The following TNIK variants were observed in gnomAD, a reference collection of about 807,000 sequenced individuals.
TNIK encodes TRAF2 and NCK-interacting protein kinase.
In TNIK, 49 loss-of-function variants were observed where a neutral mutation model predicts 191.3. The observed-to-expected ratio is 0.26, with a 90% CI of 0.20 to 0.32. The LOEUF (loss-of-function observed/expected upper bound fraction) is 0.32, where lower values mean the gene tolerates loss of function less well. Among genes scored for constraint, TNIK ranks in the 10% least tolerant of loss-of-function variants. The pLI, the probability that TNIK is intolerant of heterozygous loss-of-function variation, is 1.00. For missense variants in TNIK, 1,155 were observed against 1,702.3 expected, an observed-to-expected ratio of 0.68 and a Z score of 5.66; for synonymous variants, 594 against 600.9, an observed-to-expected ratio of 0.99 and a Z score of 0.17.
At chr3:171,303,967 A>G (rs2172394) in intron 2 of TNIK, among the ~76,000 whole-genome samples, 12,652 of 151,644 alleles carry the variant, frequency 0.083, 667 homozygotes, top group South Asian at 0.16. Flanking sequence ...GCTGAAGAAC[A>G]AGACAGCCAA....
chr3:171,345,318 A>G (rs947363252), intron 2 of TNIK, among the ~76,000 whole-genome samples: 2 of 152,162 alleles, frequency 1.3e-5, no homozygotes, highest in Non-Finnish European at 2.9e-5. Flanking sequence ...GCTTGTGACC[A>G]CCAGTCTCTT....
intron 7 of TNIK, among the ~76,000 whole-genome samples, chr3:171,182,166 G>A (rs939078183): frequency 1.3e-5 from 1 of 78,568 alleles, no homozygotes; most frequent in African/African-American, 5.0e-5. Flanking sequence ...TCATTGTTAG[G>A]ATTTTTTTTT....
intron 3 of TNIK, among the ~76,000 whole-genome samples, chr3:171,213,466 G>A (rs2108922421): frequency 6.6e-6 from 1 of 152,106 alleles, no homozygotes; most frequent in East Asian, 1.9e-4. Flanking sequence ...GCTTCTACAA[G>A]TATTTACCGC....
chr3:171,075,981 G>A (rs576402195), intron 28 of TNIK, among the ~76,000 whole-genome samples: 2 of 152,170 alleles, frequency 1.3e-5, no homozygotes, highest in Non-Finnish European at 2.9e-5. Flanking sequence ...CACGATCCAC[G>A]TGCTTTGGCC....
chr3:171,346,712 GAGA>G (rs1432902470), intron 2 of TNIK, among the ~76,000 whole-genome samples: 1 of 79,430 alleles, frequency 1.3e-5, no homozygotes, highest in East Asian at 5.3e-4. Context: ...TTAATAACAG[GAGA>G]AGAACATTCC....
chr3:171,423,422 G>C (rs1210760575), intron 1 of TNIK, among the ~76,000 whole-genome samples: 5 of 152,086 alleles, frequency 3.3e-5, no homozygotes, highest in South Asian at 2.1e-4. Flanking sequence ...GTAATTTATA[G>C]ATTCAATGCC....
At chr3:171,315,516 C>T (rs1754508500) in intron 2 of TNIK, among the ~76,000 whole-genome samples, 1 of 152,114 alleles carries the variant, frequency 6.6e-6, no homozygotes, top group African/African-American at 2.4e-5. Context: ...TTGCCCGGAG[C>T]TGCCATAATA....
chr3:171,063,987 T>G (rs1157491430), intron 32 of TNIK, 23 bp from the exon 33 acceptor site: 3 of 1,607,852 alleles, frequency 1.9e-6, no homozygotes, highest in South Asian at 1.1e-5. Context: ...AAAAAGAAGT[T>G]AGTTCAACTG....
At chr3:171,298,856 A>G (rs1752595551) in intron 2 of TNIK, among the ~76,000 whole-genome samples, 1 of 152,246 alleles carries the variant, frequency 6.6e-6, no homozygotes, top group Admixed American at 6.5e-5. Flanking sequence ...AACCAGCTTC[A>G]CAAAACTCTG....
chr3:171,107,665 A>G (rs1005267274), intron 20 of TNIK, among the ~76,000 whole-genome samples: 1 of 152,216 alleles, frequency 6.6e-6, no homozygotes, highest in Non-Finnish European at 1.5e-5. Context: ...AATAGCAGAA[A>G]AACTGTAATA....
intron 2 of TNIK, among the ~76,000 whole-genome samples, chr3:171,236,190 C>T (rs1290556927): frequency 6.6e-6 from 1 of 152,154 alleles, no homozygotes; most frequent in Admixed American, 6.6e-5. Context: ...GCCTAGTGAA[C>T]CTTGTAAATT....
At chr3:171,345,282 T>C (rs765868293) in intron 2 of TNIK, among the ~76,000 whole-genome samples, 1 of 152,192 alleles carries the variant, frequency 6.6e-6, no homozygotes, top group South Asian at 2.1e-4. Context: ...ATTTTCCAAG[T>C]AATTAATGAG....
chr3:171,162,556 GC>G (rs1287234884), intron 10 of TNIK, among the ~76,000 whole-genome samples: 1 of 152,226 alleles, frequency 6.6e-6, no homozygotes, highest in Non-Finnish European at 1.5e-5. Context: ...ATTGAGGCTT[GC>G]TTTGGAAGAG....
chr3:171,162,755 C>T (rs1262050272), intron 10 of TNIK, among the ~76,000 whole-genome samples: 1 of 152,186 alleles, frequency 6.6e-6, no homozygotes, highest in African/African-American at 2.4e-5. Flanking sequence ...ACTGAAATTA[C>T]AAGAGGTTAA....
intron 22 of TNIK, among the ~76,000 whole-genome samples, chr3:171,100,746 GAAAAAAA>G (rs111353325): frequency 3.2e-5 from 3 of 92,944 alleles, no homozygotes; most frequent in Admixed American, 1.3e-4. Context: ...TCCTCACCTT[GAAAAAAA>G]AAAAAAAAAG....
chr3:171,134,890 G>T (rs2108608334), intron 15 of TNIK, among the ~76,000 whole-genome samples: 1 of 152,268 alleles, frequency 6.6e-6, no homozygotes, highest in East Asian at 1.9e-4. Flanking sequence ...AGAAGTAGAT[G>T]GAAAAGTAAG....
Position 171,130,115 on chromosome 3 carries a change from C to T in TNIK, c.1609-1237G>A, listed in dbSNP as rs576516902. Among the ~76,000 whole-genome samples the T allele has an allele frequency of 6.6e-4, 101 of 152,304 alleles. 1 individual carries two copies. In the South Asian group the frequency reaches 0.02, roughly 30 times the overall value. Reference sequence around the variant, plus strand: ...GTCTGTTTGCATATTTTTTATGTAGCAGCTAAAAGTCTTTATTCATTTTAC... The same window carrying T: ...GTCTGTTTGCATATTTTTTATGTAGTAGCTAAAAGTCTTTATTCATTTTAC... On this transcript the variant is annotated intron_variant, in intron 15 of 32. Transcript: ENST00000436636.
chr3:171,215,499 T>C (rs967622750), intron 3 of TNIK, among the ~76,000 whole-genome samples: 1 of 152,152 alleles, frequency 6.6e-6, no homozygotes, highest in African/African-American at 2.4e-5. Context: ...AACCTCAGAT[T>C]CAAGACCAGA....
At chr3:171,293,860 G>A (rs1360457779) in intron 2 of TNIK, among the ~76,000 whole-genome samples, 1 of 151,976 alleles carries the variant, frequency 6.6e-6, no homozygotes, top group African/African-American at 2.4e-5. Context: ...TGGGAAGATT[G>A]CTTGAGACCA....
Sources: gnomAD v4.1 joint callset for allele counts (sites outside exome capture counted in the v4.1 genomes callset) on GRCh38, gnomAD v4.1.1 for gene constraint, MANE v1.5 for transcripts, NCBI Gene and HGNC (gene_info 2026-07-23, HGNC 2026-07-21) for gene names.